Variants in MEST observed in about 807,000 individuals in gnomAD.
MEST encodes the protein mesoderm specific transcript.
Under a neutral mutation model 50.9 loss-of-function variants are expected in MEST, and 18 were observed. That is an observed-to-expected ratio of 0.35 (90% CI 0.24 to 0.52). The LOEUF (loss-of-function observed/expected upper bound fraction) is 0.52, where lower values mean the gene tolerates loss of function less well. Among genes scored for constraint, MEST ranks in the 20% least tolerant of loss-of-function variants. The pLI is 0.94. For synonymous variants in MEST, 130 were observed against 154.1 expected, an observed-to-expected ratio of 0.84 and a Z score of 1.16; for missense variants, 282 against 425.3, an observed-to-expected ratio of 0.66 and a Z score of 2.96.
At position 130,492,381 on chromosome 7, in the gene MEST, T is replaced by A. The variant is rs1361082221; in HGVS notation, c.26+42T>A. On this transcript the variant is annotated intron_variant, in intron 1 of 11. Transcript: ENST00000223215. The surrounding 1 kb of genome is among the most constrained non-coding windows in gnomAD (Gnocchi z 7.6). ...AACGAGGGGGTGTGGCTGGCGGCCC[T>A]GGGACTAGGGCGCAGGCGAGCGGAG... The A allele has an allele frequency of 9.4e-6, 12 of 1,274,316 alleles. No individual in the cohort carries two copies. Among genetic ancestry groups the A allele is most frequent in the Non-Finnish European group, 1.2e-5 (12 of 1,004,306 alleles). The allele number at this position is 1,274,316 out of a possible 1,614,324, so 78.9% of individuals were successfully genotyped here.
intron 9 of MEST, 90 bp from the exon 10 acceptor site, chr7:130,502,553 AT>A: frequency 1.1e-6 from 1 of 912,822 alleles, no homozygotes; most frequent in Non-Finnish European, 1.8e-6. Flanking sequence ...AAGAAATTGT[AT>A]CTTGTGTTCC....
Position 130,498,432 on chromosome 7 carries a change from C to T in MEST, c.490C>T (p.Arg164Ter). The change falls in exon 6 of 12, where the codon CGA becomes TGA. Residue 164 changes from arginine to a stop codon, truncating the protein, a stop_gained. Transcript: ENST00000223215. LOFTEE classifies it high-confidence loss of function. ...QELLYRYKQN[R>*]SGRLTIKSLC... ...TCTCCCTTCTAGGTACAAGCAGAAT[C>T]GATCTGGTCGGCTTACCATAAAGAG... 2 of 1,614,092 alleles carry T rather than the reference C, an allele frequency of 1.2e-6. No homozygotes were observed. The highest frequency in any genetic ancestry group is 1.7e-6 in the Non-Finnish European group (2 of 1,180,014).
chr7:130,500,706 C>G lies in MEST; in HGVS notation c.648-83C>G, dbSNP rs113905430. On this transcript the variant is annotated intron_variant, in intron 8 of 11. Coordinates refer to ENST00000223215, the MANE Select transcript of MEST (RefSeq NM_002402.4). The surrounding 1 kb of genome is among the most constrained non-coding windows in gnomAD (Gnocchi z 5.0). ...TATGGGTCAGACTGCATGGCCCAGA[C>G]TGCATGGCCTCTGAGGTTCCAGCCA... 3.5e-3 allele frequency: 4,476 copies of G among 1,280,134 alleles called. 116 individuals carry two copies. In the African/African-American group the frequency reaches 0.058, roughly 17 times the overall value. 79.3% of individuals were successfully genotyped at this position (1,280,134 alleles called of 1,614,324 possible). A position where few individuals can be genotyped will look rare whatever the true frequency, so the allele number is the denominator to read the frequency against.
Position 130,497,305 on chromosome 7 carries a change from C to T in MEST, c.261+70C>T. On this transcript the variant is annotated intron_variant, in intron 3 of 11. Coordinates refer to ENST00000223215, the MANE Select transcript of MEST (RefSeq NM_002402.4). The surrounding 1 kb of genome is among the most constrained non-coding windows in gnomAD (Gnocchi z 4.0). ...TCGGCCGGGCGCGGGGGCTCAAATCCTAGCACTTTGGGAGGCTGAGGTGGG... is the reference window on the plus strand; with the variant it reads ...TCGGCCGGGCGCGGGGGCTCAAATCTTAGCACTTTGGGAGGCTGAGGTGGG... 7.5e-7 allele frequency: 1 copy of T among 1,335,902 alleles called. No individual in the cohort carries two copies. Among genetic ancestry groups the T allele is most frequent in the Non-Finnish European group, 1.0e-6 (1 of 952,614 alleles). 82.8% of individuals were successfully genotyped at this position (1,335,902 alleles called of 1,614,324 possible).
chr7:130,495,157 TC>T (rs1404021402), intron 1 of MEST, among the ~76,000 whole-genome samples: 1 of 152,080 alleles, frequency 6.6e-6, no homozygotes, highest in Non-Finnish European at 1.5e-5. Context: ...GTATTTTTTT[TC>T]CTTAAGATTA....
chr7:130,490,634 A>G (rs1204741540), upstream of MEST, among the ~76,000 whole-genome samples: 1 of 152,206 alleles, frequency 6.6e-6, no homozygotes, highest in Admixed American at 6.5e-5. Flanking sequence ...CAACTGCCAC[A>G]AACGTCGCTA....
In MEST at chr7:130,498,342, C is replaced by G. The variant is rs1215713490; in HGVS notation, c.476+67C>G. The G allele has an allele frequency of 6.2e-6, 10 of 1,611,046 alleles. No individual in the cohort carries two copies. In the African/African-American group the frequency reaches 6.7e-5, roughly 11 times the overall value. ...TACATTGTTTCTGGACTGTTTGTAT[C>G]CTTTTTCTCTCGTTTTCAGCGGTGC... is the stretch of plus-strand genomic sequence containing the variant. On this transcript the variant is annotated intron_variant, in intron 5 of 11. Transcript: ENST00000223215.
rs1755445523 is a variant in MEST at position 130,498,427 on chromosome 7, A to G, written c.485A>G (p.Gln162Arg). Residue 162 changes from glutamine (Q) to arginine (R), a missense_variant, in exon 6 of 12, where the codon CAG (glutamine) becomes CGG (arginine). By Grantham distance (43) the Gln-to-Arg change is conservative. Coordinates refer to ENST00000223215, the MANE Select transcript of MEST (RefSeq NM_002402.4). ...VAQELLYRYK[Q>R]NRSGRLTIKS... ...CCTCGTCTCCCTTCTAGGTACAAGC[A>G]GAATCGATCTGGTCGGCTTACCATA... 2 of 1,614,046 alleles carry G rather than the reference A, an allele frequency of 1.2e-6. No homozygotes were observed. The highest frequency in any genetic ancestry group is 2.7e-5 in the African/African-American group (2 of 74,918).
rs537202062 is a variant in MEST, at chr7:130,504,009, G to T, written c.890+13G>T. 4.4e-6 allele frequency: 7 copies of T among 1,605,820 alleles called. No individual in the cohort carries two copies. The African/African-American group carries it at 8.0e-5, about 18-fold the overall frequency. ...TGGAGCTGTACAGGTGAGTCTCCCC[G>T]AGAGAAGTCTATGTTTTGTTAGTAT... On this transcript the variant is annotated intron_variant, in intron 11 of 11. Transcript: ENST00000223215.
In MEST at chr7:130,495,668, G is replaced by A. The variant is rs1006962803; in HGVS notation, c.181+146G>A. ...TCTTTCTGTGTAGTGTGCTTGCAGAGAAGCGCAGAAAACTGCTGGGAGAAT... is the reference window on the plus strand; with the variant it reads ...TCTTTCTGTGTAGTGTGCTTGCAGAAAAGCGCAGAAAACTGCTGGGAGAAT... On this transcript the variant is annotated intron_variant, in intron 2 of 11. Transcript: ENST00000223215. 4.7e-6 allele frequency: 4 copies of A among 845,166 alleles called. No individual in the cohort carries two copies. The African/African-American group carries it at 7.0e-5, about 15-fold the overall frequency. The allele number at this position is 845,166 out of a possible 1,614,324, so 52.4% of individuals were successfully genotyped here.
chr7:130,496,235 G>T, intron 2 of MEST: 2 of 446,760 alleles, frequency 4.5e-6, no homozygotes, highest in Non-Finnish European at 4.5e-6. Flanking sequence ...TTATTATGTT[G>T]GCTTGGGTTA....
At chr7:130,491,463 A>T (rs1015341244), upstream of MEST, 9 of 152,284 alleles carry the variant, frequency 5.9e-5, no homozygotes, top group African/African-American at 2.2e-4. This position sits in a 1 kb window ranked among gnomAD's most constrained non-coding sequence, Gnocchi z 6.8. Flanking sequence ...TGGCCATCCC[A>T]TGAATCTGTT....
In MEST at chr7:130,504,974, A is replaced by G. The variant is rs782585057; in HGVS notation, c.926A>G (p.Asp309Gly). Residue 309 changes from aspartate to glycine, a missense_variant, in exon 12 of 12, where the codon GAT becomes GGT. Physicochemically the swap from Asp to Gly is moderately conservative, Grantham distance 94. Coordinates refer to ENST00000223215, the MANE Select transcript of MEST (RefSeq NM_002402.4). ...CCGCGGTCCACAGTGTCGATTCTGG[A>G]TGACCACATTAGCCACTATCCACAG... Reference protein sequence around the residue: ...TLPRSTVSILDDHISHYPQLE... With the variant: ...TLPRSTVSILGDHISHYPQLE... The G allele has an allele frequency of 2.5e-6, 4 of 1,613,778 alleles. No homozygotes were observed. The highest frequency in any genetic ancestry group is 8.5e-7 in the Non-Finnish European group (1 of 1,179,768).
chr7:130,503,307 GAAT>G (rs1799345463), intron 10 of MEST, among the ~76,000 whole-genome samples: 2 of 152,332 alleles, frequency 1.3e-5, no homozygotes, highest in South Asian at 4.1e-4. Flanking sequence ...GAGACTTAAA[GAAT>G]GATAGTATCC....
intron 1 of MEST, among the ~76,000 whole-genome samples, chr7:130,493,541 C>T (rs1225411885): frequency 6.6e-6 from 1 of 152,108 alleles, no homozygotes; most frequent in African/African-American, 2.4e-5. Flanking sequence ...TGAGAGGTTG[C>T]CTCTTTGCTT....
In MEST at chr7:130,492,121, C is replaced by T. The variant is rs907851208; in HGVS notation, c.-193C>T. On this transcript the variant is annotated 5_prime_UTR_variant, in exon 1 of 12. Coordinates refer to ENST00000223215, the MANE Select transcript of MEST (RefSeq NM_002402.4). This position sits in a 1 kb window ranked among gnomAD's most constrained non-coding sequence, Gnocchi z 7.6. The stretch of plus-strand genomic sequence containing the variant: ...CCAGCACACCCCGGCACCTCCTCTG[C>T]GGCAGCTGCGCCTCGCAAGCGCAGT... The T allele has an allele frequency of 1.3e-5, 4 of 300,492 alleles. No homozygotes were observed. Among genetic ancestry groups the T allele is most frequent in the African/African-American group, 2.2e-5 (1 of 44,824 alleles). 18.6% of individuals were successfully genotyped at this position (300,492 alleles called of 1,614,324 possible).
chr7:130,505,012 A>G lies in MEST; in HGVS notation c.964A>G (p.Met322Val). The change falls in exon 12 of 12, where the codon ATG becomes GTG. Residue 322 changes from methionine to valine, a missense_variant. Coordinates refer to ENST00000223215, the MANE Select transcript of MEST (RefSeq NM_002402.4). ...ISHYPQLEDP[M>V]GFLNAYMGFI... is the part of the protein sequence containing the mutation. ...CCACTATCCACAGCTAGAGGATCCC[A>G]TGGGCTTCTTGAATGCATATATGGG... 6.2e-7 allele frequency: 1 copy of G among 1,613,864 alleles called. No individual in the cohort carries two copies. The highest frequency in any genetic ancestry group is 8.5e-7 in the Non-Finnish European group (1 of 1,179,774).
At chr7:130,496,387 T>A (rs1799062520) in intron 2 of MEST, 1 of 330,198 alleles carries the variant, frequency 3.0e-6, no homozygotes, top group African/African-American at 2.3e-5. Flanking sequence ...AGAACAAAAC[T>A]CTTAGGCTAA....
rs1798846907 is a variant in MEST, at chr7:130,492,204, C to T, written c.-110C>T. ...CCGGCGCGGCGCCGCCCTGCGCGGGCTGTGGGCTGCGGGCTGCGCCCCCGC... is the reference window on the plus strand; with the variant it reads ...CCGGCGCGGCGCCGCCCTGCGCGGGTTGTGGGCTGCGGGCTGCGCCCCCGC... On this transcript the variant is annotated 5_prime_UTR_variant, in exon 1 of 12. Transcript: ENST00000223215. The surrounding 1 kb of genome is among the most constrained non-coding windows in gnomAD (Gnocchi z 7.6). The T allele has an allele frequency of 3.1e-6, 3 of 953,716 alleles. No homozygotes were observed. The highest frequency in any genetic ancestry group is 2.7e-6 in the Non-Finnish European group (2 of 744,604). 59.1% of individuals were successfully genotyped at this position (953,716 alleles called of 1,614,324 possible). A position where few individuals can be genotyped will look rare whatever the true frequency, so the allele number is the denominator to read the frequency against.
Sources: gnomAD v4.1 joint callset for allele counts (sites outside exome capture counted in the v4.1 genomes callset) on GRCh38, gnomAD v4.1.1 for gene constraint, Gnocchi (gnomAD v3.1) non-coding constraint, MANE v1.5 for transcripts, NCBI Gene and HGNC (gene_info 2026-07-23, HGNC 2026-07-21) for gene names.